KALRN: variants seen among roughly 807,000 people sequenced by gnomAD.
The protein encoded by KALRN is kalirin.
Under a neutral mutation model 353.7 loss-of-function variants are expected in KALRN, and 70 were observed. The observed-to-expected ratio is 0.20, with a 90% confidence interval of 0.16 to 0.24. The LOEUF is 0.24. Among genes scored for constraint, KALRN ranks in the 10% least tolerant of loss-of-function variants. The pLI is 1.00. For missense variants in KALRN, 2,791 were observed against 3,756.7 expected (o/e 0.74, Z 6.72); for synonymous variants, 1,391 against 1,434.8 (o/e 0.97, Z 0.69).
chr3:124,323,051 T>C (rs2079509239), intron 6 of KALRN, among the ~76,000 whole-genome samples: 1 of 151,918 alleles, frequency 6.6e-6, no homozygotes, highest in Non-Finnish European at 1.5e-5. Flanking sequence ...AATTATTTGT[T>C]AGTTTTAGCA....
At chr3:124,042,070 C>T (rs2040017476) in intron 1 of KALRN, among the ~76,000 whole-genome samples, 1 of 152,136 alleles carries the variant, frequency 6.6e-6, no homozygotes, top group Admixed American at 6.5e-5. Flanking sequence ...GGCTACTTCT[C>T]CTTGATCTGG....
chr3:124,263,717 A>C (rs938083023), intron 3 of KALRN, among the ~76,000 whole-genome samples: 1 of 152,228 alleles, frequency 6.6e-6, no homozygotes, highest in South Asian at 2.1e-4. Flanking sequence ...ATCAACATAG[A>C]GCCTTTTTTT....
At chr3:124,286,075 T>C (rs868059225) in intron 5 of KALRN, among the ~76,000 whole-genome samples, 9 of 134,878 alleles carry the variant, frequency 6.7e-5, no homozygotes, top group Middle Eastern at 3.4e-3. Context: ...TCTTTCTTTC[T>C]TTCCTTCCTT....
rs572393354 is a variant in KALRN, at chr3:124,342,852, A to G, written c.1648-4291A>G. Among the ~76,000 whole-genome samples, 3 of 151,962 alleles carry G rather than the reference A, an allele frequency of 2.0e-5. No individual in the cohort carries two copies. The East Asian group carries it at 5.8e-4, about 29-fold the overall frequency. ...GAGCATGGAAAGGGAAAAAAATCTT[A>G]AGGAAAAAAAATATGTTATGTCTGT... On this transcript the variant is annotated intron_variant, in intron 9 of 59. Transcript: ENST00000682506.
chr3:124,476,707 G>A (rs72980543), intron 26 of KALRN, among the ~76,000 whole-genome samples: 1,756 of 152,238 alleles, frequency 0.012, 33 homozygotes, highest in African/African-American at 0.038. Context: ...GCCCCAGGGG[G>A]TCACTCTGCT....
chr3:124,243,837 C>T (rs1416086749), intron 3 of KALRN, among the ~76,000 whole-genome samples: 1 of 152,138 alleles, frequency 6.6e-6, no homozygotes, highest in Non-Finnish European at 1.5e-5. Flanking sequence ...AATGCCTAGC[C>T]CATTATTTAG....
chr3:124,596,402 G>A (rs2076267896), intron 34 of KALRN, among the ~76,000 whole-genome samples: 1 of 152,106 alleles, frequency 6.6e-6, no homozygotes, highest in African/African-American at 2.4e-5. Flanking sequence ...AAGAGGTGGA[G>A]GTTGCAGTGA....
At chr3:124,609,025 C>A (rs2077652728) in intron 34 of KALRN, among the ~76,000 whole-genome samples, 1 of 152,100 alleles carries the variant, frequency 6.6e-6, no homozygotes, top group South Asian at 2.1e-4. Context: ...TGAGACTTAG[C>A]CAAAGGGTCA....
intron 34 of KALRN, among the ~76,000 whole-genome samples, chr3:124,573,210 CTA>C (rs1035102821): frequency 7.9e-5 from 12 of 152,298 alleles, no homozygotes; most frequent in South Asian, 6.2e-4. Flanking sequence ...CTGCAGTGAG[CTA>C]TGATTGCACA....
At chr3:124,433,234 G>A (rs2093345211) in intron 16 of KALRN, among the ~76,000 whole-genome samples, 1 of 151,260 alleles carries the variant, frequency 6.6e-6, no homozygotes, top group African/African-American at 2.4e-5. Context: ...AAATAAAAAA[G>A]TTAATAAAAA....
intron 1 of KALRN, chr3:124,094,798 T>C: frequency 6.3e-7 from 1 of 1,586,090 alleles, no homozygotes; most frequent in Non-Finnish European, 8.7e-7. Context: ...GATGAGGCTC[T>C]GCCGAGGGGA....
At chr3:124,514,308 A>G (rs979283178) in intron 33 of KALRN, among the ~76,000 whole-genome samples, 1 of 152,072 alleles carries the variant, frequency 6.6e-6, no homozygotes, top group Non-Finnish European at 1.5e-5. Flanking sequence ...CACCCCATCT[A>G]ATGGAAGAGA....
At chr3:124,409,910 G>A (rs1227021098) in intron 13 of KALRN, among the ~76,000 whole-genome samples, 1 of 151,938 alleles carries the variant, frequency 6.6e-6, no homozygotes, top group Admixed American at 6.6e-5. Flanking sequence ...GAGAAGGGAG[G>A]GGGAGTCCAA....
intron 1 of KALRN, among the ~76,000 whole-genome samples, chr3:124,158,670 G>A (rs2069397034): frequency 6.6e-6 from 1 of 152,114 alleles, no homozygotes; most frequent in Non-Finnish European, 1.5e-5. Flanking sequence ...GCCAGCCAGG[G>A]TACCCTCCTC....
intron 33 of KALRN, among the ~76,000 whole-genome samples, chr3:124,528,232 C>T (rs779700950): frequency 6.6e-6 from 1 of 152,058 alleles, no homozygotes; most frequent in Non-Finnish European, 1.5e-5. Flanking sequence ...GAGAAAGTCC[C>T]GGTTTGCTTT....
chr3:124,094,761 C>T (rs2149383313), intron 1 of KALRN: 1 of 1,271,950 alleles, frequency 7.9e-7, no homozygotes, highest in Middle Eastern at 1.8e-4. Flanking sequence ...TCAAGTGATT[C>T]CGGCCTCCTC....
intron 34 of KALRN, among the ~76,000 whole-genome samples, chr3:124,585,399 A>C (rs921906179): frequency 2.6e-5 from 4 of 152,212 alleles, no homozygotes; most frequent in Non-Finnish European, 5.9e-5. Flanking sequence ...TTCTCGTGGG[A>C]CTGGAGCACA....
chr3:124,121,669 T>A (rs150975853), intron 1 of KALRN, among the ~76,000 whole-genome samples: 131 of 152,348 alleles, frequency 8.6e-4, no homozygotes, highest in African/African-American at 2.9e-3. Flanking sequence ...TTATTTCTAC[T>A]TGAAGAAACA....
intron 37 of KALRN, among the ~76,000 whole-genome samples, chr3:124,644,373 G>A (rs656851): frequency 0.35 from 52,718 of 151,684 alleles, 9,355 homozygotes; most frequent in East Asian, 0.47. Flanking sequence ...CATGTGCAGA[G>A]CGTGCAGGTT....
Sources: gnomAD v4.1 joint callset for allele counts (sites outside exome capture counted in the v4.1 genomes callset) on GRCh38, gnomAD v4.1.1 for gene constraint, MANE v1.5 for transcripts, NCBI Gene and HGNC (gene_info 2026-07-23, HGNC 2026-07-21) for gene names.